CTNNA3: variants seen among roughly 807,000 people sequenced by gnomAD.
CTNNA3 encodes catenin alpha-3.
CTNNA3 carries 76 observed loss-of-function variants against 95.7 expected under a neutral mutation model. That is an observed-to-expected ratio of 0.79 (90% CI 0.66 to 0.96). The LOEUF is 0.96. Among genes scored for constraint, CTNNA3 ranks in the 40% least tolerant of loss-of-function variants. The probability of loss-of-function intolerance (pLI) is 0.00; values close to 1 mark genes in which losing one functional copy is unlikely to be tolerated. For missense variants in CTNNA3, 1,191 were observed against 1,089.8 expected (o/e 1.09, Z -1.31); for synonymous variants, 431 against 374.4 (o/e 1.15, Z -1.74).
At chr10:67,541,904 C>G (rs1387762854) in intron 3 of CTNNA3, among the ~76,000 whole-genome samples, 1 of 151,912 alleles carries the variant, frequency 6.6e-6, no homozygotes, top group Non-Finnish European at 1.5e-5. Context: ...TTATAATAGC[C>G]TTTTTAGAAT....
intron 7 of CTNNA3, among the ~76,000 whole-genome samples, chr10:66,918,062 A>G (rs1391920120): frequency 6.6e-6 from 1 of 152,248 alleles, no homozygotes; most frequent in Non-Finnish European, 1.5e-5. Context: ...TTGTTCTGAA[A>G]GAAAAGCTAG....
intron 13 of CTNNA3, among the ~76,000 whole-genome samples, chr10:66,172,248 A>G (rs190139455): frequency 6.6e-6 from 1 of 152,296 alleles, no homozygotes; most frequent in East Asian, 1.9e-4. Flanking sequence ...TTAAAAATAT[A>G]GAGTTTCTAT....
intron 9 of CTNNA3, among the ~76,000 whole-genome samples, chr10:66,664,177 T>C (rs373656962): frequency 3.9e-5 from 6 of 152,234 alleles, no homozygotes; most frequent in African/African-American, 1.4e-4. Flanking sequence ...TGCTGAATAC[T>C]TATCAGAAGT....
At chr10:67,416,619 A>AAC (rs1564635481) in intron 5 of CTNNA3, among the ~76,000 whole-genome samples, 1 of 150,874 alleles carries the variant, frequency 6.6e-6, no homozygotes, top group African/African-American at 2.4e-5. Flanking sequence ...AAAAAAAAAA[A>AAC]AAAAAAAAAA....
chr10:66,363,711 G>A (rs1263467192), intron 12 of CTNNA3, among the ~76,000 whole-genome samples: 1 of 152,094 alleles, frequency 6.6e-6, no homozygotes, highest in Non-Finnish European at 1.5e-5. Context: ...AGTATTGGTT[G>A]TTTTCTGTGA....
At chr10:66,622,833 T>C (rs1589512858) in intron 9 of CTNNA3, among the ~76,000 whole-genome samples, 1 of 152,264 alleles carries the variant, frequency 6.6e-6, no homozygotes, top group East Asian at 1.9e-4. Context: ...ATTTTAAAAG[T>C]ACCACAAAAT....
intron 16 of CTNNA3, among the ~76,000 whole-genome samples, chr10:65,979,975 C>A (rs1218774337): frequency 6.6e-6 from 1 of 151,564 alleles, no homozygotes; most frequent in Non-Finnish European, 1.5e-5. Context: ...AAGATCTGAG[C>A]AGAATAAAAT....
chr10:67,087,785 A>G (rs1275636290), intron 7 of CTNNA3, among the ~76,000 whole-genome samples: 3 of 151,884 alleles, frequency 2.0e-5, no homozygotes, highest in African/African-American at 4.8e-5. Flanking sequence ...TCACCGGGGG[A>G]TGGAGGTTTG....
intron 12 of CTNNA3, among the ~76,000 whole-genome samples, chr10:66,366,051 G>A (rs1045520128): frequency 4.6e-5 from 7 of 152,118 alleles, no homozygotes; most frequent in Non-Finnish European, 1.0e-4. Context: ...GTAAATGTTT[G>A]TTGTCTTAAT....
intron 11 of CTNNA3, among the ~76,000 whole-genome samples, chr10:66,465,021 G>A (rs1296910363): frequency 2.0e-5 from 3 of 151,976 alleles, no homozygotes; most frequent in Non-Finnish European, 4.4e-5. Flanking sequence ...AATGAAATAG[G>A]GTGCGGACAT....
chr10:67,597,635 T>C (rs1409097052), intron 3 of CTNNA3, among the ~76,000 whole-genome samples: 1 of 152,140 alleles, frequency 6.6e-6, no homozygotes, highest in African/African-American at 2.4e-5. Flanking sequence ...AGACCAAGAT[T>C]TTCCTGGTCC....
intron 9 of CTNNA3, among the ~76,000 whole-genome samples, chr10:66,719,411 T>A (rs1453725575): frequency 6.6e-6 from 1 of 152,194 alleles, no homozygotes; most frequent in Non-Finnish European, 1.5e-5. Flanking sequence ...TAACATGTGT[T>A]CTACATTTTA....
chr10:66,904,869 C>T (rs2132538743), intron 7 of CTNNA3, among the ~76,000 whole-genome samples: 1 of 152,230 alleles, frequency 6.6e-6, no homozygotes, highest in Non-Finnish European at 1.5e-5. Context: ...AGTCAGGAAA[C>T]AACAGATGCT....
At chr10:66,837,261 A>G (rs556544989) in intron 7 of CTNNA3, among the ~76,000 whole-genome samples, 1 of 152,294 alleles carries the variant, frequency 6.6e-6, no homozygotes, top group Non-Finnish European at 1.5e-5. Context: ...CTTTTGGCAA[A>G]AGATAATGTG....
At chr10:66,825,477 T>C (rs1036883316) in intron 7 of CTNNA3, among the ~76,000 whole-genome samples, 1 of 151,608 alleles carries the variant, frequency 6.6e-6, no homozygotes, top group Admixed American at 6.6e-5. Flanking sequence ...AGTTTTGCTT[T>C]ATGTTGGCCA....
At chr10:66,328,917 T>TATATATATATATATATATATAC (rs2092290621) in intron 12 of CTNNA3, among the ~76,000 whole-genome samples, 4 of 121,058 alleles carry the variant, frequency 3.3e-5, no homozygotes, top group Non-Finnish European at 5.4e-5. Flanking sequence ...TATACATATA[T>TATATATATATATATATATATAC]ATATATATAT....
At chr10:67,129,453 T>A (rs761883273) in intron 7 of CTNNA3, among the ~76,000 whole-genome samples, 6 of 152,176 alleles carry the variant, frequency 3.9e-5, no homozygotes, top group Non-Finnish European at 8.8e-5. Flanking sequence ...TATAGCTTAT[T>A]AACCACAAAC....
intron 13 of CTNNA3, among the ~76,000 whole-genome samples, chr10:66,115,573 G>T (rs1424751518): frequency 7.7e-6 from 1 of 129,490 alleles, no homozygotes; most frequent in South Asian, 2.5e-4. Context: ...TAGATAGACA[G>T]ATAGATGATA....
chr10:66,412,636 T>C (rs564516486), intron 11 of CTNNA3, among the ~76,000 whole-genome samples: 1 of 151,940 alleles, frequency 6.6e-6, no homozygotes, highest in African/African-American at 2.4e-5. Flanking sequence ...ATTTTTTGCA[T>C]TTGTAGTAGA....
Sources: gnomAD v4.1 joint callset for allele counts (sites outside exome capture counted in the v4.1 genomes callset) on GRCh38, gnomAD v4.1.1 for gene constraint, MANE v1.5 for transcripts, NCBI Gene and HGNC (gene_info 2026-07-23, HGNC 2026-07-21) for gene names.